The following MGLL variants were observed in gnomAD, a reference collection of about 807,000 sequenced individuals.
The protein encoded by MGLL is monoglyceride lipase.
In MGLL, 7 loss-of-function variants were observed where a neutral mutation model predicts 29.1. The observed-to-expected ratio is 0.24, with a 90% CI of 0.14 to 0.45. The LOEUF (loss-of-function observed/expected upper bound fraction) is 0.45. Ranked by LOEUF, MGLL falls within the 20% of genes least tolerant of loss-of-function variation. The pLI is 0.99. For synonymous variants in MGLL, 148 were observed against 168.3 expected, an observed-to-expected ratio of 0.88 and a Z score of 0.93; for missense variants, 356 against 413.6, an observed-to-expected ratio of 0.86 and a Z score of 1.21.
chr3:127,752,606 T>C (rs954013255), intron 3 of MGLL, among the ~76,000 whole-genome samples: 2 of 152,158 alleles, frequency 1.3e-5, no homozygotes, highest in Non-Finnish European at 2.9e-5. Flanking sequence ...TTCATGATAA[T>C]GAGGTTTATT....
At chr3:127,806,736 G>C (rs1037522444) in intron 2 of MGLL, among the ~76,000 whole-genome samples, 25 of 151,992 alleles carry the variant, frequency 1.6e-4, no homozygotes, top group African/African-American at 6.0e-4. Flanking sequence ...TGGATAAATA[G>C]GTAGATAGGG....
At chr3:127,737,262 AC>A (rs2076257865) in intron 3 of MGLL, among the ~76,000 whole-genome samples, 1 of 149,976 alleles carries the variant, frequency 6.7e-6, no homozygotes, top group South Asian at 2.1e-4. Context: ...TCCCTCCCTC[AC>A]TAATCCTCAC....
At chr3:127,738,783 A>T (rs973825899) in intron 3 of MGLL, among the ~76,000 whole-genome samples, 2 of 152,180 alleles carry the variant, frequency 1.3e-5, no homozygotes, top group African/African-American at 2.4e-5. Flanking sequence ...CTGGATGCCA[A>T]CTGACAGTGT....
At chr3:127,734,678 C>A (rs970138199) in intron 3 of MGLL, among the ~76,000 whole-genome samples, 1 of 152,214 alleles carries the variant, frequency 6.6e-6, no homozygotes, top group African/African-American at 2.4e-5. Flanking sequence ...AACTTGACAG[C>A]CCCCAGGTGA....
intron 3 of MGLL, among the ~76,000 whole-genome samples, chr3:127,731,775 C>T (rs890011771): frequency 6.6e-6 from 1 of 152,220 alleles, no homozygotes; most frequent in Non-Finnish European, 1.5e-5. Context: ...CCTGCAGGGC[C>T]CTGCGTGGCA....
At chr3:127,728,312 T>TCCAC (rs1269250510) in intron 3 of MGLL, among the ~76,000 whole-genome samples, 1 of 152,110 alleles carries the variant, frequency 6.6e-6, no homozygotes, top group Non-Finnish European at 1.5e-5. Context: ...TGTTTATCCA[T>TCCAC]CCATCCATCC....
chr3:127,724,151 C>T (rs2075988618), intron 3 of MGLL, among the ~76,000 whole-genome samples: 1 of 152,150 alleles, frequency 6.6e-6, no homozygotes, highest in South Asian at 2.1e-4. Flanking sequence ...GTCTGTGGTC[C>T]TTTGTTATGG....
intron 3 of MGLL, among the ~76,000 whole-genome samples, chr3:127,746,642 G>T (rs925779215): frequency 6.6e-6 from 1 of 152,074 alleles, no homozygotes; most frequent in Non-Finnish European, 1.5e-5. Context: ...CTTTGTGGGG[G>T]TAGAACTGCA....
intron 2 of MGLL, among the ~76,000 whole-genome samples, chr3:127,812,087 C>T (rs977367418): frequency 3.9e-5 from 6 of 152,180 alleles, no homozygotes; most frequent in Admixed American, 6.5e-5. Context: ...ACCATGATAA[C>T]GTAATCAGGA....
chr3:127,725,533 C>T (rs907341509), intron 3 of MGLL, among the ~76,000 whole-genome samples: 1 of 152,120 alleles, frequency 6.6e-6, no homozygotes, highest in African/African-American at 2.4e-5. Context: ...CAAAGAAACA[C>T]ACAACAGATC....
intron 2 of MGLL, among the ~76,000 whole-genome samples, chr3:127,821,414 G>A (rs1304781302): frequency 6.6e-6 from 1 of 152,098 alleles, no homozygotes; most frequent in Non-Finnish European, 1.5e-5. Context: ...ATCAACTCCA[G>A]TACAAAAAAT....
intron 3 of MGLL, among the ~76,000 whole-genome samples, chr3:127,754,209 C>T (rs2076614369): frequency 6.6e-6 from 1 of 152,212 alleles, no homozygotes; most frequent in Admixed American, 6.5e-5. Context: ...GAGGTCACGA[C>T]CCGCCAGGCA....
At chr3:127,733,754 A>C (rs1339912426) in intron 3 of MGLL, among the ~76,000 whole-genome samples, 1 of 152,228 alleles carries the variant, frequency 6.6e-6, no homozygotes, top group Non-Finnish European at 1.5e-5. Flanking sequence ...CAAAAGCTTC[A>C]TCCACCAACT....
chr3:127,708,566 T>G (rs555823106), intron 6 of MGLL, among the ~76,000 whole-genome samples: 1 of 152,262 alleles, frequency 6.6e-6, no homozygotes, highest in Non-Finnish European at 1.5e-5. Context: ...AATCTCTTTT[T>G]AGTACCTGTT....
In MGLL at chr3:127,742,589, C is replaced by CAAAAAAA. The variant is rs60743176; in HGVS notation, c.263-20030_263-20024dup. On this transcript the variant is annotated intron_variant, in intron 3 of 7. Transcript: ENST00000265052. ...TGGGAGACAGAGCGAGACTCCGTCCCAAAAAAAAAAAAAAAAAAAAAAAAG... is the reference window on the plus strand; with the variant it reads ...TGGGAGACAGAGCGAGACTCCGTCCCAAAAAAAAAAAAAAAAAAAAAAAAAAAAAAAG... 5.7e-5 allele frequency among the ~76,000 whole-genome samples: 4 copies of CAAAAAAA among 70,498 alleles called. 1 individual carries two copies. The highest frequency in any genetic ancestry group is 1.8e-4 in the African/African-American group (3 of 16,536). 46.2% of individuals were successfully genotyped at this position (70,498 alleles called of 152,430 possible).
rs77244141 is a variant in MGLL, at chr3:127,778,332, G to A, written c.262+3457C>T. 1.9e-4 allele frequency among the ~76,000 whole-genome samples: 29 copies of A among 152,330 alleles called. No homozygotes were observed. The East Asian group carries it at 2.9e-3, about 15-fold the overall frequency. On this transcript the variant is annotated intron_variant, in intron 3 of 7. Transcript: ENST00000265052. The stretch of plus-strand genomic sequence containing the variant: ...CCCAGCCCGCTCAGGGCAACCACAC[G>A]GGGACAAGAACCCCCTAACTCCCAG...
At chr3:127,804,832 C>T (rs1021400656) in intron 2 of MGLL, among the ~76,000 whole-genome samples, 8 of 152,184 alleles carry the variant, frequency 5.3e-5, no homozygotes, top group African/African-American at 1.9e-4. Flanking sequence ...GGTCTGCAGG[C>T]ACCTCGACCC....
intron 6 of MGLL, among the ~76,000 whole-genome samples, chr3:127,704,842 G>C (rs1461512082): frequency 2.0e-5 from 3 of 151,992 alleles, no homozygotes; most frequent in Non-Finnish European, 4.4e-5. Flanking sequence ...AACCCCATTT[G>C]ACCCAGCAAT....
At chr3:127,735,965 A>G in intron 3 of MGLL, 1 of 1,445,386 alleles carries the variant, frequency 6.9e-7, no homozygotes, top group Non-Finnish European at 9.1e-7. Context: ...CAAGCGTTAA[A>G]CCATCTTTCG....
Sources: gnomAD v4.1 joint callset for allele counts (sites outside exome capture counted in the v4.1 genomes callset) on GRCh38, gnomAD v4.1.1 for gene constraint, MANE v1.5 for transcripts, NCBI Gene and HGNC (gene_info 2026-07-23, HGNC 2026-07-21) for gene names.